RNF213: variants seen among roughly 807,000 people sequenced by gnomAD.
RNF213 encodes the protein ring finger protein 213, also known as E3 ubiquitin-protein ligase RNF213.
RNF213 carries 341 observed loss-of-function variants against 514.4 expected under a neutral mutation model. The observed-to-expected ratio is 0.66, with a 90% confidence interval of 0.61 to 0.73. The LOEUF is 0.73. RNF213 is among the 30% of genes least tolerant of loss of function. The probability of loss-of-function intolerance (pLI) is 0.00; values close to 1 mark genes in which losing one functional copy is unlikely to be tolerated. For missense variants in RNF213, 5,767 were observed against 6,615.6 expected (o/e 0.87, Z 4.45); for synonymous variants, 2,655 against 2,658.2 (o/e 1.00, Z 0.04).
intron 3 of RNF213, among the ~76,000 whole-genome samples, chr17:80,277,407 G>A (rs999575321): frequency 9.9e-5 from 15 of 152,014 alleles, no homozygotes; most frequent in African/African-American, 3.6e-4. Context: ...AGACCAACCT[G>A]ACCAACATGG....
chr17:80,290,506 T>C, intron 6 of RNF213, 64 bp from the exon 7 acceptor site: 6 of 1,594,438 alleles, frequency 3.8e-6, no homozygotes, highest in South Asian at 3.3e-5. Context: ...TGCGCGTGTG[T>C]GCATGCACAT....
At chr17:80,267,217 C>CAAAA (rs201148773) in intron 2 of RNF213, among the ~76,000 whole-genome samples, 1 of 111,898 alleles carries the variant, frequency 8.9e-6, no homozygotes, top group Non-Finnish European at 1.9e-5. Context: ...GACTCTGTCT[C>CAAAA]AAAAAAAAAA....
Position 80,337,622 on chromosome 17 carries a change from G to T in RNF213, c.4564G>T (p.Val1522Leu), listed in dbSNP as rs1420263240. Reference sequence around the variant, plus strand: ...CAGGAACTTGGAATGGCTGAAGACTGTGAATGAGAGTCATGGGTCTGTGGA... The same window carrying T: ...CAGGAACTTGGAATGGCTGAAGACTTTGAATGAGAGTCATGGGTCTGTGGA... ...SARNLEWLKT[V>L]NESHGSVERS... Residue 1522 changes from valine (V) to leucine (L), a missense_variant, in exon 24 of 68, where the codon GTG becomes TTG. Transcript: ENST00000582970. 2 of 1,537,214 alleles carry T rather than the reference G, an allele frequency of 1.3e-6. No individual in the cohort carries two copies. Among genetic ancestry groups the T allele is most frequent in the African/African-American group, 1.4e-5 (1 of 73,066 alleles).
In RNF213 at chr17:80,306,403, A is replaced by G. The variant is rs766636615; in HGVS notation, c.2362A>G (p.Ile788Val). Residue 788 changes from isoleucine to valine, a missense_variant, in exon 12 of 68, where the codon ATC (isoleucine) becomes GTC (valine). Physicochemically the swap from Ile to Val is conservative, Grantham distance 29. This residue lies in a region of RNF213 where 592 missense variants were observed against 673.9 expected (regional missense o/e 0.88). Coordinates refer to ENST00000582970, the MANE Select transcript of RNF213 (RefSeq NM_001256071.3). ...GCACCTGGGTCGTTTTCCTGCTCAT[A>G]TCCTGGACTGTCTTTCAGGGATTTA... ...IEHLGRFPAH[I>V]LDCLSGIYYR... 6 of 1,614,050 alleles carry G rather than the reference A, an allele frequency of 3.7e-6. No individual in the cohort carries two copies. Among genetic ancestry groups the G allele is most frequent in the Non-Finnish European group, 5.1e-6 (6 of 1,180,040 alleles).
rs2080618792 is a variant in RNF213, at chr17:80,394,937, G to A, written c.*1439G>A. 1.3e-5 allele frequency: 2 copies of A among 152,288 alleles called. No individual in the cohort carries two copies. Among genetic ancestry groups the A allele is most frequent in the African/African-American group, 4.8e-5 (2 of 41,384 alleles). The allele number at this position is 152,288 out of a possible 1,614,324, so 9.4% of individuals were successfully genotyped here. ...TCTGCATTCCGACTGCCTATGAACG[G>A]GTGTGGGGGCCGGGGGCTGGCTTGC... On this transcript the variant is annotated 3_prime_UTR_variant, in exon 68 of 68. Transcript: ENST00000582970.
chr17:80,351,922 T>TCAGCTCACTACAA (rs1270913883), intron 32 of RNF213, 119 bp downstream of exon 32: 2 of 623,214 alleles, frequency 3.2e-6, no homozygotes, highest in Non-Finnish European at 5.9e-6. Context: ...TGGCGCGATC[T>TCAGCTCACTACAA]CAGCTCACTA....
intron 50 of RNF213, 140 bp downstream of exon 50, chr17:80,374,729 C>A: frequency 9.9e-7 from 1 of 1,012,644 alleles, no homozygotes; most frequent in Non-Finnish European, 1.5e-6. Context: ...AAGTCACGTG[C>A]CCACAGCCTC....
chr17:80,359,687 A>AT (rs1281257072), intron 37 of RNF213, among the ~76,000 whole-genome samples: 1 of 152,186 alleles, frequency 6.6e-6, no homozygotes, highest in East Asian at 1.9e-4. Flanking sequence ...CACTTATTTA[A>AT]AAGACAAGGC....
chr17:80,330,709 C>T (rs1200501637), intron 20 of RNF213, among the ~76,000 whole-genome samples: 1 of 152,212 alleles, frequency 6.6e-6, no homozygotes, highest in Non-Finnish European at 1.5e-5. Context: ...ATCCACACGC[C>T]CCCCTGCGTT....
intron 23 of RNF213, 27 bp downstream of exon 23, chr17:80,336,405 G>T: frequency 6.5e-7 from 1 of 1,530,308 alleles, no homozygotes; most frequent in South Asian, 1.2e-5. Context: ...CTCTAATGCA[G>T]ATTTTGTTGA....
chr17:80,278,358 C>T (rs2044144208), intron 3 of RNF213, among the ~76,000 whole-genome samples: 1 of 152,224 alleles, frequency 6.6e-6, no homozygotes, highest in Non-Finnish European at 1.5e-5. Context: ...GGTGCCCGGG[C>T]CTGCCTATAC....
Position 80,354,426 on chromosome 17 carries a change from T to C in RNF213, c.10727-15T>C. The C allele has an allele frequency of 1.9e-6, 3 of 1,614,236 alleles. No homozygotes were observed. The highest frequency in any genetic ancestry group is 2.5e-6 in the Non-Finnish European group (3 of 1,180,040). ...GCCACGGCCATGCTGAACGTCTGTT[T>C]CTGCCTTTGTACAGCCTCTTTCTTG... On this transcript the variant is annotated splice_polypyrimidine_tract_variant and intron_variant, in intron 35 of 67. Transcript: ENST00000582970.
At chr17:80,359,755 T>C (rs1362623253) in intron 37 of RNF213, among the ~76,000 whole-genome samples, 1 of 152,218 alleles carries the variant, frequency 6.6e-6, no homozygotes, top group Non-Finnish European at 1.5e-5. Flanking sequence ...TTACAAGTTA[T>C]CAAAGCCAGA....
chr17:80,315,933 G>A (rs1428156417), intron 15 of RNF213: 2 of 148,980 alleles, frequency 1.3e-5, no homozygotes, highest in African/African-American at 5.0e-5. Flanking sequence ...TGGTGGAGGT[G>A]ACAGTGGTGA....
rs867241967 is a variant in RNF213, at chr17:80,315,279, A to G, written c.2812-1909A>G. On this transcript the variant is annotated intron_variant, in intron 15 of 67. Transcript: ENST00000582970. ...CGTGATGGTGGAGGTAATGGAGGTG[A>G]TGGTGGTGGTGGTGGTGGAGGTAAT... Among the ~76,000 whole-genome samples, 28 of 8,500 alleles carry G rather than the reference A, an allele frequency of 3.3e-3. 6 individuals carry two copies. The highest frequency in any genetic ancestry group is 4.7e-3 in the South Asian group (1 of 214). 5.6% of individuals were successfully genotyped at this position (8,500 alleles called of 152,430 possible). A position where few individuals can be genotyped will look rare whatever the true frequency, so the allele number is the denominator to read the frequency against.
intron 12 of RNF213, 129 bp from the exon 13 acceptor site, chr17:80,306,999 A>G (rs1316338938): frequency 1.1e-6 from 1 of 896,220 alleles, no homozygotes; most frequent in Non-Finnish European, 1.9e-6. Flanking sequence ...GAGCACCTTA[A>G]AATTTGTTTG....
intron 3 of RNF213, among the ~76,000 whole-genome samples, chr17:80,280,535 C>G (rs1037179790): frequency 1.3e-5 from 2 of 152,154 alleles, no homozygotes; most frequent in Non-Finnish European, 2.9e-5. Context: ...CTCACTGCAG[C>G]CTTGACTTCC....
chr17:80,342,381 G>A (rs375774205), intron 26 of RNF213, among the ~76,000 whole-genome samples: 29 of 152,266 alleles, frequency 1.9e-4, no homozygotes, highest in East Asian at 1.7e-3. Flanking sequence ...CCAGGAGAGT[G>A]AGTAGGTAAC....
chr17:80,262,850 GTCC>G (rs1019870040), intron 1 of RNF213, among the ~76,000 whole-genome samples: 29 of 152,328 alleles, frequency 1.9e-4, no homozygotes, highest in African/African-American at 6.7e-4. Context: ...GGGCCTGAGT[GTCC>G]TCCTGGCTGC....
Sources: gnomAD v4.1 joint callset for allele counts (sites outside exome capture counted in the v4.1 genomes callset) on GRCh38, gnomAD v4.1.1 for gene constraint, gnomAD v4.1.1 regional missense constraint, MANE v1.5 for transcripts, NCBI Gene and HGNC (gene_info 2026-07-23, HGNC 2026-07-21) for gene names.